Variants in COL4A3 observed in about 807,000 individuals in gnomAD.
COL4A3 encodes collagen type IV alpha 3 chain, also known as collagen alpha-3(IV) chain.
A neutral mutation model predicts 217.4 loss-of-function variants in COL4A3; 135 were observed. The observed-to-expected ratio is 0.62, with a 90% confidence interval of 0.54 to 0.72. The LOEUF is 0.72. Among genes scored for constraint, COL4A3 ranks in the 30% least tolerant of loss-of-function variants. The pLI is 0.00. For synonymous variants in COL4A3, 690 were observed against 736.3 expected (o/e 0.94, Z 1.02); for missense variants, 1,868 against 2,119.9 (o/e 0.88, Z 2.33).
At chr2:227,267,454 C>T (rs552013481) in intron 23 of COL4A3, among the ~76,000 whole-genome samples, 156 of 152,298 alleles carry the variant, frequency 1.0e-3, no homozygotes, top group African/African-American at 3.6e-3. Flanking sequence ...AAAGACACAA[C>T]CCTACTCAGT....
intron 18 of COL4A3, 62 bp from the exon 19 acceptor site, chr2:227,259,731 T>C (rs901281682): frequency 8.5e-7 from 1 of 1,177,282 alleles, no homozygotes; most frequent in Non-Finnish European, 1.3e-6. Flanking sequence ...GAAGTAATGA[T>C]GTTTGGTGAG....
intron 23 of COL4A3, among the ~76,000 whole-genome samples, chr2:227,269,292 TA>T (rs2071098246): frequency 6.6e-6 from 1 of 152,186 alleles, no homozygotes; most frequent in Non-Finnish European, 1.5e-5. Flanking sequence ...TTTGGAGAGC[TA>T]AATACCCAGA....
At chr2:227,265,607 A>G (rs1394850541) in intron 21 of COL4A3, among the ~76,000 whole-genome samples, 1 of 152,256 alleles carries the variant, frequency 6.6e-6, no homozygotes, top group African/African-American at 2.4e-5. Context: ...TGGACAAGCA[A>G]CAAAGAGAAA....
intron 27 of COL4A3, 25 bp downstream of exon 27, chr2:227,276,502 T>C (rs1224514654): frequency 6.5e-7 from 1 of 1,537,326 alleles, no homozygotes; most frequent in Non-Finnish European, 9.0e-7. Context: ...CCAAATCTGG[T>C]ACATGGCATC....
intron 1 of COL4A3, among the ~76,000 whole-genome samples, chr2:227,215,293 A>G (rs1262513014): frequency 6.6e-6 from 1 of 152,186 alleles, no homozygotes; most frequent in African/African-American, 2.4e-5. Context: ...ACCATTTTTA[A>G]TCATTCTATG....
In COL4A3 at chr2:227,282,301, T is replaced by TA; in HGVS notation, c.2489-64_2489-63insA. On this transcript the variant is annotated intron_variant, in intron 31 of 51. Coordinates refer to ENST00000396578, the MANE Select transcript of COL4A3 (RefSeq NM_000091.5). The surrounding 1 kb of genome is among the most constrained non-coding windows in gnomAD (Gnocchi z 4.4). Reference sequence around the variant, plus strand: ...ATATATATATATATATATATATATATTTCTGAAGTTAGTAGGGGAAAGCAT... The same window carrying TA: ...ATATATATATATATATATATATATATATTCTGAAGTTAGTAGGGGAAAGCAT... 1.1e-6 allele frequency: 1 copy of TA among 869,886 alleles called. No homozygotes were observed. Among genetic ancestry groups the TA allele is most frequent in the African/African-American group, 1.8e-5 (1 of 55,504 alleles). The allele number at this position is 869,886 out of a possible 1,614,324, so 53.9% of individuals were successfully genotyped here.
chr2:227,208,230 C>A (rs2067174646), intron 1 of COL4A3, among the ~76,000 whole-genome samples: 1 of 152,148 alleles, frequency 6.6e-6, no homozygotes, highest in Non-Finnish European at 1.5e-5. Flanking sequence ...CCAAAAAGAC[C>A]CCCTTCTTGC....
At chr2:227,272,144 G>A (rs1019357889) in intron 25 of COL4A3, among the ~76,000 whole-genome samples, 6 of 152,166 alleles carry the variant, frequency 3.9e-5, no homozygotes, top group Non-Finnish European at 5.9e-5. Context: ...TTCACTTTGT[G>A]GTAGTTATGC....
At chr2:227,192,978 T>C (rs2066302586) in intron 1 of COL4A3, among the ~76,000 whole-genome samples, 1 of 152,172 alleles carries the variant, frequency 6.6e-6, no homozygotes. Context: ...AATCACTCTA[T>C]CAAATCACTC....
chr2:227,304,296 C>T, intron 46 of COL4A3, 152 bp downstream of exon 46: 1 of 959,838 alleles, frequency 1.0e-6, no homozygotes, highest in Non-Finnish European at 1.6e-6. Context: ...GCTCATTTTA[C>T]CCTTGACCAG....
intron 1 of COL4A3, among the ~76,000 whole-genome samples, chr2:227,205,307 A>T (rs1438458225): frequency 6.6e-6 from 1 of 152,176 alleles, no homozygotes; most frequent in Non-Finnish European, 1.5e-5. Context: ...TTGTATATGA[A>T]ATAGTGTATA....
At chr2:227,291,286 G>C (rs374415349) in intron 37 of COL4A3, among the ~76,000 whole-genome samples, 1 of 151,998 alleles carries the variant, frequency 6.6e-6, no homozygotes, top group Non-Finnish European at 1.5e-5. Context: ...CTTGTCGGCC[G>C]GGCGCGGTGG....
chr2:227,255,859 G>A (rs562980871), intron 15 of COL4A3, among the ~76,000 whole-genome samples, 167 bp from the exon 16 acceptor site: 2 of 152,276 alleles, frequency 1.3e-5, no homozygotes, highest in African/African-American at 2.4e-5. Context: ...GGGCCATTGT[G>A]TATTCTGTGG....
At chr2:227,290,195 A>C (rs2072599369) in intron 36 of COL4A3, 107 bp downstream of exon 36, 2 of 1,109,382 alleles carry the variant, frequency 1.8e-6, no homozygotes, top group Non-Finnish European at 2.7e-6. Flanking sequence ...GAAAGCTTAT[A>C]TTAAAAAACT....
chr2:227,166,389 T>C (rs549869965), intron 1 of COL4A3, among the ~76,000 whole-genome samples: 75 of 148,086 alleles, frequency 5.1e-4, no homozygotes, highest in African/African-American at 2.0e-3. Flanking sequence ...ATGTGTGTTG[T>C]GGGGAAGCCT....
At chr2:227,223,836 C>T (rs1253932067) in intron 1 of COL4A3, among the ~76,000 whole-genome samples, 1 of 152,196 alleles carries the variant, frequency 6.6e-6, no homozygotes, top group Non-Finnish European at 1.5e-5. Context: ...TATATCCAGC[C>T]CCAATCAAAG....
rs76572401 is a variant in COL4A3, at chr2:227,246,985, A to G, written c.441+247A>G. The G allele has an allele frequency of 0.028, 17,505 of 634,714 alleles. 891 individuals are homozygous for G. The highest frequency in any genetic ancestry group is 0.14 in the Admixed American group (6,637 of 47,414). The allele number at this position is 634,714 out of a possible 1,614,324, so 39.3% of individuals were successfully genotyped here. A position where few individuals can be genotyped will look rare whatever the true frequency, so the allele number is the denominator to read the frequency against. ...GCATGAGAGGTACTTGGATTCACTCAGAGAAGAGGTTCCAGCTGGTGGTGA... is the reference window on the plus strand; with the variant it reads ...GCATGAGAGGTACTTGGATTCACTCGGAGAAGAGGTTCCAGCTGGTGGTGA... On this transcript the variant is annotated intron_variant, in intron 7 of 51. Transcript: ENST00000396578.
Position 227,297,837 on chromosome 2 carries a change from A to C in COL4A3, c.3729A>C (p.Pro1243=). Residue 1243 remains proline (P), a synonymous_variant, in exon 42 of 52, where the codon CCA becomes CCC. Transcript: ENST00000396578. ...IIPGQTGNRG[P]PGSRGSPGAP... ...CTGGCCAGACAGGAAATCGTGGTCC[A>C]CCAGGCTCAAGAGGAAGCCCAGGTA... 1 of 1,561,714 alleles carries C rather than the reference A, an allele frequency of 6.4e-7. No homozygotes were observed. The highest frequency in any genetic ancestry group is 1.2e-5 in the South Asian group (1 of 84,774).
chr2:227,181,829 T>C (rs940480087), intron 1 of COL4A3, among the ~76,000 whole-genome samples: 35 of 152,188 alleles, frequency 2.3e-4, no homozygotes, highest in African/African-American at 8.4e-4. Context: ...ATGACGGACA[T>C]ATAGTAGAAT....
Sources: allele counts gnomAD v4.1 joint callset (sites outside exome capture counted in the v4.1 genomes callset), GRCh38; gene constraint gnomAD v4.1.1; non-coding constraint Gnocchi (gnomAD v3.1); transcripts MANE v1.5; gene names NCBI Gene and HGNC (gene_info 2026-07-23, HGNC 2026-07-21).